The following CD22 variants were observed in gnomAD, a reference collection of about 807,000 sequenced individuals.
CD22 encodes B-cell receptor CD22.
CD22 carries 51 observed loss-of-function variants against 94.7 expected under a neutral mutation model. The ratio of observed to expected loss-of-function variants is 0.54; its 90% CI spans 0.43 to 0.68. CD22 has a LOEUF of 0.68. Among genes scored for constraint, CD22 ranks in the 30% least tolerant of loss-of-function variants. The pLI, the probability that CD22 is intolerant of heterozygous loss-of-function variation, is 0.00. For missense variants in CD22, 931 were observed against 1,060.4 expected (o/e 0.88, Z 1.69); for synonymous variants, 424 against 422.5 (o/e 1.00, Z -0.04).
At chr19:35,334,288 GC>G (rs1227519219) in intron 3 of CD22, among the ~76,000 whole-genome samples, 15 of 152,170 alleles carry the variant, frequency 9.9e-5, no homozygotes, top group African/African-American at 3.6e-4. Flanking sequence ...GCAGGCAGCT[GC>G]CAGGGAGTCA....
rs1238012498 is a variant in CD22, at chr19:35,344,203, CAA to C, written c.2036-625_2036-624del. Among the ~76,000 whole-genome samples, 7 of 152,322 alleles carry C rather than the reference CAA, an allele frequency of 4.6e-5. No homozygotes were observed. In the East Asian group the frequency reaches 1.4e-3, roughly 29 times the overall value. On this transcript the variant is annotated intron_variant, in intron 9 of 13. Coordinates refer to ENST00000085219, the MANE Select transcript of CD22 (RefSeq NM_001771.4). ...AGAGCGAGACTCTGTCTCAATCAAT[CAA>C]TCAGTCAATCTAGGGAACCATCACC...
intron 6 of CD22, 43 bp downstream of exon 6, chr19:35,338,474 A>G (rs2066758121): frequency 6.3e-7 from 1 of 1,582,852 alleles, no homozygotes; most frequent in Non-Finnish European, 8.6e-7. Flanking sequence ...GAGAAGATGG[A>G]CACAGGGAAC....
intron 9 of CD22, among the ~76,000 whole-genome samples, chr19:35,343,279 T>G (rs980386189): frequency 2.0e-5 from 3 of 151,914 alleles, no homozygotes; most frequent in Non-Finnish European, 4.4e-5. Flanking sequence ...GGTAAAAAAA[T>G]AAAATGTAAG....
chr19:35,333,840 G>T (rs1475849650), intron 3 of CD22, among the ~76,000 whole-genome samples: 1 of 152,244 alleles, frequency 6.6e-6, no homozygotes, highest in Non-Finnish European at 1.5e-5. Context: ...ATGAGTCACC[G>T]CACCCGGCCT....
chr19:35,341,853 C>A lies in CD22; in HGVS notation c.1923C>A (p.Ser641Arg). 2 of 1,614,138 alleles carry A rather than the reference C, an allele frequency of 1.2e-6. No individual in the cohort carries two copies. The highest frequency in any genetic ancestry group is 1.7e-6 in the Non-Finnish European group (2 of 1,180,028). The change falls in exon 9 of 14, where the codon AGC (serine) becomes AGA (arginine). Residue 641 changes from serine to arginine, a missense_variant. Coordinates refer to ENST00000085219, the MANE Select transcript of CD22 (RefSeq NM_001771.4). This position sits in a 1 kb window ranked among gnomAD's most constrained non-coding sequence, Gnocchi z 4.0. ...ATAACCAAAGCCTCCCCTACCACAG[C>A]CAGAAGCTGAGATTGGAGCCGGTGA... ...DWNNQSLPYH[S>R]QKLRLEPVKV...
rs2066815122 is a variant in CD22 at position 35,341,871 on chromosome 19, G to A, written c.1941G>A (p.Glu647=). ...LPYHSQKLRL[E]PVKVQHSGAY... is the part of the protein sequence containing the mutation. Reference sequence around the variant, plus strand: ...ACCACAGCCAGAAGCTGAGATTGGAGCCGGTGAAGGTCCAGCACTCGGGTG... The same window carrying A: ...ACCACAGCCAGAAGCTGAGATTGGAACCGGTGAAGGTCCAGCACTCGGGTG... Residue 647 remains glutamate (E), a synonymous_variant, in exon 9 of 14, where the codon GAG becomes GAA. Coordinates refer to ENST00000085219, the MANE Select transcript of CD22 (RefSeq NM_001771.4). This position sits in a 1 kb window ranked among gnomAD's most constrained non-coding sequence, Gnocchi z 4.0. The A allele has an allele frequency of 6.2e-7, 1 of 1,614,128 alleles. No individual in the cohort carries two copies.
chr19:35,345,765 G>C (rs2066897390), intron 12 of CD22, 45 bp downstream of exon 12: 1 of 1,362,080 alleles, frequency 7.3e-7, no homozygotes, highest in African/African-American at 1.4e-5. Flanking sequence ...TGGGAGGGAG[G>C]CGGGAGGAAA....
chr19:35,329,629 G>A (rs1453632827), intron 1 of CD22: 1 of 199,008 alleles, frequency 5.0e-6, no homozygotes, highest in Admixed American at 5.0e-5. Flanking sequence ...CCCTACTCCT[G>A]TGCTCCAGAG....
In CD22 at chr19:35,337,083, C is replaced by T. The variant is rs1157172620; in HGVS notation, c.719-672C>T. Among the ~76,000 whole-genome samples the T allele has an allele frequency of 6.6e-6, 1 of 151,880 alleles. No homozygotes were observed. The highest frequency in any genetic ancestry group is 1.5e-5 in the Non-Finnish European group (1 of 67,968). On this transcript the variant is annotated intron_variant, in intron 4 of 13. Coordinates refer to ENST00000085219, the MANE Select transcript of CD22 (RefSeq NM_001771.4). This position sits in a 1 kb window ranked among gnomAD's most constrained non-coding sequence, Gnocchi z 4.4. ...TGAAACCCCATCTCTAGTAAAAATA[C>T]AAAAAATTAGCCAGGCATGATGGCA...
chr19:35,343,555 A>G (rs2145676815), intron 9 of CD22, among the ~76,000 whole-genome samples: 1 of 152,258 alleles, frequency 6.6e-6, no homozygotes, highest in South Asian at 2.1e-4. Context: ...TACTGTTTGG[A>G]CATTGTTCTG....
At chr19:35,336,440 C>A (rs1368235614) in intron 4 of CD22, 99 bp downstream of exon 4, 3 of 1,151,998 alleles carry the variant, frequency 2.6e-6, no homozygotes, top group Non-Finnish European at 3.7e-6. Flanking sequence ...GAAGCCTGCA[C>A]AGACGGCGGC....
At position 35,338,188 on chromosome 19, in the gene CD22, G is replaced by A. The variant is rs753666477; in HGVS notation, c.1006G>A (p.Val336Ile). ...TCCAGATGCCCCGGAACCTTCCACGGTTCAGATCCTCCACTCACCGGCTGT... is the reference window on the plus strand; with the variant it reads ...TCCAGATGCCCCGGAACCTTCCACGATTCAGATCCTCCACTCACCGGCTGT... ...QVQYAPEPST[V>I]QILHSPAVEG... Residue 336 changes from valine (V) to isoleucine (I), a missense_variant, in exon 6 of 14, where the codon GTT (valine) becomes ATT (isoleucine). Coordinates refer to ENST00000085219, the MANE Select transcript of CD22 (RefSeq NM_001771.4). The A allele has an allele frequency of 6.2e-7, 1 of 1,613,330 alleles. No homozygotes were observed. Among genetic ancestry groups the A allele is most frequent in the South Asian group, 1.1e-5 (1 of 90,964 alleles).
intron 3 of CD22, among the ~76,000 whole-genome samples, chr19:35,334,262 CA>C (rs1361581429): frequency 3.3e-5 from 5 of 152,094 alleles, no homozygotes; most frequent in African/African-American, 1.2e-4. Flanking sequence ...GAAAGAGAGA[CA>C]AGTTCATTTA....
intron 1 of CD22, 109 bp from the exon 2 acceptor site, chr19:35,331,910 G>T (rs971083284): frequency 1.3e-6 from 2 of 1,582,806 alleles, no homozygotes; most frequent in African/African-American, 2.7e-5. Context: ...AACCAGACCC[G>T]GTCCTCCCGG....
At position 35,337,834 on chromosome 19, in the gene CD22, G is replaced by A; in HGVS notation, c.798G>A (p.Glu266=). Residue 266 remains glutamate (E), a synonymous_variant, in exon 5 of 14, where the codon GAG becomes GAA. Transcript: ENST00000085219. The surrounding 1 kb of genome is among the most constrained non-coding windows in gnomAD (Gnocchi z 4.4). ...REGDSVTMTC[E]VSSSNPEYTT... is the part of the protein sequence containing the mutation. The stretch of plus-strand genomic sequence containing the variant: ...GGGACTCTGTGACCATGACCTGCGA[G>A]GTCAGCAGCAGCAACCCGGAGTACA... The A allele has an allele frequency of 6.2e-7, 1 of 1,613,880 alleles. No homozygotes were observed. Among genetic ancestry groups the A allele is most frequent in the East Asian group, 2.2e-5 (1 of 44,866 alleles).
In CD22 at chr19:35,341,428, C is replaced by A. The variant is rs137966683; in HGVS notation, c.1593C>A (p.Phe531Leu). Reference protein sequence around the residue: ...SGNSVSLQCDFSSSHPKEVQF... With the variant: ...SGNSVSLQCDLSSSHPKEVQF... ...ACTCGGTCAGCCTCCAATGTGACTT[C>A]TCAAGCAGCCACCCCAAAGAAGTCC... The change falls in exon 8 of 14, where the codon TTC becomes TTA. Residue 531 changes from phenylalanine to leucine, a missense_variant. Transcript: ENST00000085219. The surrounding 1 kb of genome is among the most constrained non-coding windows in gnomAD (Gnocchi z 4.0). 6.1e-5 allele frequency: 99 copies of A among 1,613,956 alleles called. No individual in the cohort carries two copies. The East Asian group carries it at 1.5e-3, about 24-fold the overall frequency.
chr19:35,346,821 C>A lies in CD22; in HGVS notation c.*124C>A. 1 of 763,184 alleles carries A rather than the reference C, an allele frequency of 1.3e-6. No homozygotes were observed. 47.3% of individuals were successfully genotyped at this position (763,184 alleles called of 1,614,324 possible). Reference sequence around the variant, plus strand: ...GTGCGCACACACACACACACACGCACACACACACACACACACTCACTGCGG... The same window carrying A: ...GTGCGCACACACACACACACACGCAAACACACACACACACACTCACTGCGG... On this transcript the variant is annotated 3_prime_UTR_variant, in exon 14 of 14. Transcript: ENST00000085219.
In CD22 at chr19:35,336,179, G is replaced by A; in HGVS notation, c.556G>A (p.Ala186Thr). 1.9e-6 allele frequency: 3 copies of A among 1,614,220 alleles called. No homozygotes were observed. Among genetic ancestry groups the A allele is most frequent in the Non-Finnish European group, 2.5e-6 (3 of 1,180,030 alleles). ...CCTAGAGGGGGTTCCAATGAGGCAGGCTGCTGTCACCTCGACCTCCTTGAC... is the reference window on the plus strand; with the variant it reads ...CCTAGAGGGGGTTCCAATGAGGCAGACTGCTGTCACCTCGACCTCCTTGAC... ...WLLEGVPMRQAAVTSTSLTIK... is the reference protein window; with the variant it reads ...WLLEGVPMRQTAVTSTSLTIK... The change falls in exon 4 of 14, where the codon GCT becomes ACT. Residue 186 changes from alanine (A) to threonine (T), a missense_variant. By Grantham distance (58) the Ala-to-Thr change is moderately conservative. Coordinates refer to ENST00000085219, the MANE Select transcript of CD22 (RefSeq NM_001771.4).
chr19:35,337,928 G>T lies in CD22; in HGVS notation c.892G>T (p.Glu298Ter). Reference protein sequence around the residue: ...KQNTFTLNLREVTKDQSGKYC... With the variant: ...KQNTFTLNLR The stretch of plus-strand genomic sequence containing the variant: ...GAATACATTCACGCTAAACCTGCGC[G>T]AAGTGACCAAGGACCAGAGTGGGAA... The change falls in exon 5 of 14, where the codon GAA becomes TAA. Residue 298 changes from glutamate (E) to a stop codon, truncating the protein, a stop_gained. Coordinates refer to ENST00000085219, the MANE Select transcript of CD22 (RefSeq NM_001771.4). LOFTEE classifies it high-confidence loss of function. This position sits in a 1 kb window ranked among gnomAD's most constrained non-coding sequence, Gnocchi z 4.4. 6.2e-7 allele frequency: 1 copy of T among 1,614,228 alleles called. No individual in the cohort carries two copies. Among genetic ancestry groups the T allele is most frequent in the Non-Finnish European group, 8.5e-7 (1 of 1,180,032 alleles).
Sources: gnomAD v4.1 joint callset for allele counts (sites outside exome capture counted in the v4.1 genomes callset) on GRCh38, gnomAD v4.1.1 for gene constraint, Gnocchi (gnomAD v3.1) non-coding constraint, MANE v1.5 for transcripts, NCBI Gene and HGNC (gene_info 2026-07-23, HGNC 2026-07-21) for gene names.